Variants in UBA2 observed in about 807,000 individuals in gnomAD.
UBA2 encodes ubiquitin like modifier activating enzyme 2, also known as SUMO-activating enzyme subunit 2.
A neutral mutation model predicts 77.2 loss-of-function variants in UBA2; 11 were observed. The ratio of observed to expected loss-of-function variants is 0.14; its 90% CI spans 0.09 to 0.24. The LOEUF (loss-of-function observed/expected upper bound fraction) is 0.24, where lower values mean the gene tolerates loss of function less well. UBA2 is among the 10% of genes least tolerant of loss of function. The pLI is 1.00. For missense variants in UBA2, 487 were observed against 781.7 expected (o/e 0.62, Z 4.50); for synonymous variants, 278 against 276.7 (o/e 1.00, Z -0.05).
intron 15 of UBA2, among the ~76,000 whole-genome samples, chr19:34,465,596 A>C (rs11880288): frequency 6.8e-6 from 1 of 146,184 alleles, no homozygotes; most frequent in Non-Finnish European, 1.5e-5. Flanking sequence ...AGATTGCGCC[A>C]TTGCACTCCA....
chr19:34,468,758 T>C (rs2075712248), intron 16 of UBA2, among the ~76,000 whole-genome samples: 1 of 152,260 alleles, frequency 6.6e-6, no homozygotes, highest in Non-Finnish European at 1.5e-5. Context: ...TACCCTCTGC[T>C]TTTCTATTGG....
chr19:34,458,259 A>G (rs1005045332), intron 12 of UBA2, among the ~76,000 whole-genome samples: 1 of 152,150 alleles, frequency 6.6e-6, no homozygotes, highest in Admixed American at 6.6e-5. Flanking sequence ...TTAGCTGATT[A>G]GAAAAGAAGG....
chr19:34,447,443 C>T (rs961392375), intron 8 of UBA2, among the ~76,000 whole-genome samples: 3 of 152,216 alleles, frequency 2.0e-5, no homozygotes, highest in East Asian at 3.8e-4. Context: ...ACTTAAGATG[C>T]CGTAAACTTC....
At chr19:34,453,708 G>C (rs2075527416) in intron 10 of UBA2, among the ~76,000 whole-genome samples, 1 of 151,704 alleles carries the variant, frequency 6.6e-6, no homozygotes, top group African/African-American at 2.4e-5. Flanking sequence ...TTGTGTTTTT[G>C]GTGGAGATGG....
Position 34,431,945 on chromosome 19 carries a change from A to T in UBA2, c.293+14A>T. On this transcript the variant is annotated intron_variant, in intron 3 of 16. Coordinates refer to ENST00000246548, the MANE Select transcript of UBA2 (RefSeq NM_005499.3). ...CAGCATCATGAAGTATGCTATAGTG[A>T]TTACATTGCAAAGTTGTATAAGGGT... 6.6e-7 allele frequency: 1 copy of T among 1,522,424 alleles called. No homozygotes were observed. 94.3% of individuals were successfully genotyped at this position (1,522,424 alleles called of 1,614,324 possible).
chr19:34,461,780 T>G (rs1321578800), intron 14 of UBA2, among the ~76,000 whole-genome samples: 1 of 152,102 alleles, frequency 6.6e-6, no homozygotes, highest in Admixed American at 6.6e-5. Context: ...GAAGGGAGAT[T>G]GTCAACAGCT....
chr19:34,456,499 A>C (rs59854411), intron 12 of UBA2, among the ~76,000 whole-genome samples: 2,359 of 152,180 alleles, frequency 0.016, 56 homozygotes, highest in African/African-American at 0.055. Context: ...ATCTTGATTT[A>C]GTTTTCTATT....
At chr19:34,435,661 C>G (rs948667476) in intron 5 of UBA2, among the ~76,000 whole-genome samples, 1 of 151,784 alleles carries the variant, frequency 6.6e-6, no homozygotes, top group Admixed American at 6.6e-5. Context: ...GAAACCACGT[C>G]TCTACAAAAA....
At chr19:34,453,249 T>C (rs2075521611) in intron 10 of UBA2, among the ~76,000 whole-genome samples, 1 of 152,236 alleles carries the variant, frequency 6.6e-6, no homozygotes, top group African/African-American at 2.4e-5. Context: ...TAAAGAACTA[T>C]GCTCTCAGTA....
chr19:34,450,198 T>G, intron 8 of UBA2, 67 bp from the exon 9 acceptor site: 2 of 1,066,214 alleles, frequency 1.9e-6, no homozygotes, highest in African/African-American at 1.6e-5. Flanking sequence ...AGATCAGCAA[T>G]GACGTTTTCT....
At chr19:34,433,258 A>G in intron 3 of UBA2, 90 bp from the exon 4 acceptor site, 1 of 885,760 alleles carries the variant, frequency 1.1e-6, no homozygotes, top group African/African-American at 1.7e-5. Flanking sequence ...GTTTACAGTT[A>G]CTATGTTTTT....
intron 16 of UBA2, among the ~76,000 whole-genome samples, chr19:34,468,387 A>G (rs578173849): frequency 6.6e-6 from 1 of 152,316 alleles, no homozygotes; most frequent in African/African-American, 2.4e-5. Flanking sequence ...TAGATTTTCC[A>G]AAATCATAAT....
At chr19:34,428,828 C>A in intron 1 of UBA2, 1 of 1,147,182 alleles carries the variant, frequency 8.7e-7, no homozygotes, top group Non-Finnish European at 1.1e-6. Flanking sequence ...CCGGCAGCGC[C>A]AATGTGTGGC....
chr19:34,440,994 C>T lies in UBA2; in HGVS notation c.581+2228C>T, dbSNP rs185076530. ...TAAAATAAAAAGTGTGTCTTGACCA[C>T]GTGTCTATTCAGGAATACAAGCATG... is the stretch of plus-strand genomic sequence containing the variant. On this transcript the variant is annotated intron_variant, in intron 6 of 16. Transcript: ENST00000246548. 4.0e-3 allele frequency among the ~76,000 whole-genome samples: 606 copies of T among 151,240 alleles called. 5 individuals carry two copies. Among genetic ancestry groups the T allele is most frequent in the African/African-American group, 0.014 (578 of 41,162 alleles).
At chr19:34,443,986 AGGG>A in intron 7 of UBA2, 75 bp downstream of exon 7, 1 of 1,012,616 alleles carries the variant, frequency 9.9e-7, no homozygotes, top group Non-Finnish European at 1.5e-6. Flanking sequence ...TGGTAGCTTA[AGGG>A]AAAAAAATTG....
chr19:34,469,775 T>C lies in UBA2; in HGVS notation c.*554T>C, dbSNP rs536968848. On this transcript the variant is annotated 3_prime_UTR_variant, in exon 17 of 17. Transcript: ENST00000246548. ...GTTTGTACCGCCTGGTATGTCTGTG[T>C]AAGAAGCCAATTTTTGTGTATTGTT... The C allele has an allele frequency of 1.3e-5, 2 of 152,778 alleles. No homozygotes were observed. Among genetic ancestry groups the C allele is most frequent in the South Asian group, 4.1e-4 (2 of 4,820 alleles). 9.5% of individuals were successfully genotyped at this position (152,778 alleles called of 1,614,324 possible). A position where few individuals can be genotyped will look rare whatever the true frequency, so the allele number is the denominator to read the frequency against.
At chr19:34,464,459 A>G (rs2075666326) in intron 15 of UBA2, among the ~76,000 whole-genome samples, 1 of 151,936 alleles carries the variant, frequency 6.6e-6, no homozygotes, top group South Asian at 2.1e-4. Context: ...TTGGGAGGCT[A>G]AGGTAGGAGA....
Position 34,437,407 on chromosome 19 carries a change from C to T in UBA2, c.460-1238C>T, listed in dbSNP as rs181277881. The stretch of plus-strand genomic sequence containing the variant: ...GGCGGATCACCTGAGGTAAGGAGTT[C>T]GAGACCAGCCTGGCCAACATGGTGA... On this transcript the variant is annotated intron_variant, in intron 5 of 16. Transcript: ENST00000246548. Among the ~76,000 whole-genome samples, 893 of 150,370 alleles carry T rather than the reference C, an allele frequency of 5.9e-3. 9 individuals are homozygous for T. Among genetic ancestry groups the T allele is most frequent in the African/African-American group, 0.021 (860 of 41,016 alleles).
chr19:34,452,232 T>A, intron 10 of UBA2, 85 bp downstream of exon 10: 2 of 1,215,008 alleles, frequency 1.6e-6, no homozygotes, highest in Non-Finnish European at 2.3e-6. Flanking sequence ...AGTCATTTTT[T>A]GAATATTTAC....
Sources: gnomAD v4.1 joint callset for allele counts (sites outside exome capture counted in the v4.1 genomes callset) on GRCh38, gnomAD v4.1.1 for gene constraint, MANE v1.5 for transcripts, NCBI Gene and HGNC (gene_info 2026-07-23, HGNC 2026-07-21) for gene names.